Variants in TNFRSF19 observed in about 807,000 individuals in gnomAD.
TNFRSF19 encodes the protein TNF receptor superfamily member 19, also known as tumor necrosis factor receptor superfamily member 19.
A neutral mutation model predicts 46.4 loss-of-function variants in TNFRSF19; 27 were observed. The observed-to-expected ratio is 0.58, with a 90% confidence interval of 0.43 to 0.80. TNFRSF19 has a LOEUF of 0.80. TNFRSF19 is among the 30% of genes least tolerant of loss of function. TNFRSF19 has a pLI of 0.00. For missense variants in TNFRSF19, 511 were observed against 530.8 expected (o/e 0.96, Z 0.37); for synonymous variants, 204 against 205.0 (o/e 1.00, Z 0.04).
Position 23,580,132 on chromosome 13 carries a change from A to C in TNFRSF19, c.-35+9284A>C, listed in dbSNP as rs1878304527. Among the ~76,000 whole-genome samples the C allele has an allele frequency of 1.3e-5, 2 of 152,246 alleles. 1 individual carries two copies. The highest frequency in any genetic ancestry group is 4.1e-4 in the South Asian group (2 of 4,836). The stretch of plus-strand genomic sequence containing the variant: ...CAGCTCTTACAATGCGTGTAATGCC[A>C]TCTCATGGGACAGAAATTTGGCTAA... On this transcript the variant is annotated intron_variant, in intron 1 of 9. Coordinates refer to ENST00000248484, the MANE Select transcript of TNFRSF19 (RefSeq NM_148957.4).
intron 7 of TNFRSF19, among the ~76,000 whole-genome samples, chr13:23,664,863 CA>C (rs1325788316): frequency 6.6e-6 from 1 of 152,098 alleles, no homozygotes; most frequent in Non-Finnish European, 1.5e-5. Flanking sequence ...ACAGTTGCAA[CA>C]AATAAGTACT....
chr13:23,587,770 T>C (rs1350868908), intron 1 of TNFRSF19, among the ~76,000 whole-genome samples: 1 of 152,186 alleles, frequency 6.6e-6, no homozygotes, highest in Non-Finnish European at 1.5e-5. Context: ...TCTCTTCCAT[T>C]ATATGGGGAT....
At chr13:23,635,113 C>G (rs1882597233) in intron 5 of TNFRSF19, among the ~76,000 whole-genome samples, 1 of 152,120 alleles carries the variant, frequency 6.6e-6, no homozygotes, top group African/African-American at 2.4e-5. Context: ...CTACCCCAGG[C>G]CTTCCTGGCA....
intron 3 of TNFRSF19, among the ~76,000 whole-genome samples, chr13:23,595,207 A>G (rs566283646): frequency 2.2e-4 from 34 of 152,362 alleles, no homozygotes; most frequent in African/African-American, 8.2e-4. Context: ...CTTCTCCTCC[A>G]AAGGATCACA....
At chr13:23,577,926 G>A (rs1459381670) in intron 1 of TNFRSF19, among the ~76,000 whole-genome samples, 1 of 152,182 alleles carries the variant, frequency 6.6e-6, no homozygotes, top group Non-Finnish European at 1.5e-5. Flanking sequence ...CCGAGGCAGT[G>A]CTGTGGTGAG....
At chr13:23,656,188 G>C (rs1237016810) in intron 5 of TNFRSF19, among the ~76,000 whole-genome samples, 1 of 152,162 alleles carries the variant, frequency 6.6e-6, no homozygotes, top group Non-Finnish European at 1.5e-5. Flanking sequence ...GAAATGTGTG[G>C]AGAAGGGGCA....
At chr13:23,586,272 A>AAAAAG (rs1566164559) in intron 1 of TNFRSF19, among the ~76,000 whole-genome samples, 2 of 151,706 alleles carry the variant, frequency 1.3e-5, no homozygotes, top group Admixed American at 6.6e-5. Context: ...AAAAAAAAAA[A>AAAAAG]AAAAGAAAAG....
At chr13:23,572,198 A>T (rs1377477778) in intron 1 of TNFRSF19, among the ~76,000 whole-genome samples, 1 of 152,190 alleles carries the variant, frequency 6.6e-6, no homozygotes, top group African/African-American at 2.4e-5. Context: ...TTATATTTTT[A>T]AAGTGTGTCA....
At chr13:23,573,800 C>G (rs542881939) in intron 1 of TNFRSF19, among the ~76,000 whole-genome samples, 1 of 152,144 alleles carries the variant, frequency 6.6e-6, no homozygotes, top group Admixed American at 6.5e-5. Flanking sequence ...CGGTGGCTCA[C>G]GCCTGTAATC....
At chr13:23,648,472 C>G (rs187879164) in intron 5 of TNFRSF19, among the ~76,000 whole-genome samples, 108 of 152,206 alleles carry the variant, frequency 7.1e-4, no homozygotes, top group African/African-American at 2.6e-3. Context: ...TTTATTAGTT[C>G]TAACAGTTTT....
intron 3 of TNFRSF19, among the ~76,000 whole-genome samples, chr13:23,608,167 G>A (rs185085785): frequency 9.1e-4 from 139 of 152,204 alleles, no homozygotes; most frequent in African/African-American, 3.3e-3. Flanking sequence ...CAGGTCCACC[G>A]ATACTGTTGC....
chr13:23,582,224 C>CAAAAA (rs746493689), intron 1 of TNFRSF19, among the ~76,000 whole-genome samples: 1 of 98,044 alleles, frequency 1.0e-5, no homozygotes, highest in Non-Finnish European at 2.1e-5. Context: ...ACTACAAATA[C>CAAAAA]AAAAAAAAAA....
chr13:23,597,149 A>G (rs533059748), intron 3 of TNFRSF19, among the ~76,000 whole-genome samples: 4 of 152,354 alleles, frequency 2.6e-5, no homozygotes, highest in African/African-American at 9.6e-5. Context: ...AGTGGAAAAG[A>G]TCTAAAATTG....
intron 5 of TNFRSF19, among the ~76,000 whole-genome samples, chr13:23,645,587 T>C (rs764080172): frequency 1.3e-5 from 2 of 152,210 alleles, no homozygotes; most frequent in Non-Finnish European, 2.9e-5. Flanking sequence ...TATGTTTTTT[T>C]ATACCTGCTT....
intron 1 of TNFRSF19, among the ~76,000 whole-genome samples, chr13:23,587,614 G>A (rs1049365625): frequency 1.1e-4 from 17 of 152,212 alleles, no homozygotes; most frequent in African/African-American, 3.9e-4. Flanking sequence ...CTGAATGGCA[G>A]GAGTCACTGG....
chr13:23,610,813 C>CT (rs914617180), intron 3 of TNFRSF19, among the ~76,000 whole-genome samples: 28 of 151,840 alleles, frequency 1.8e-4, no homozygotes, highest in East Asian at 5.8e-4. Context: ...ATAATAATGC[C>CT]TTTTTTTGCA....
intron 2 of TNFRSF19, among the ~76,000 whole-genome samples, chr13:23,592,476 A>C (rs1218213016): frequency 1.3e-5 from 2 of 152,180 alleles, no homozygotes; most frequent in Non-Finnish European, 2.9e-5. Flanking sequence ...TAAGAGAAAA[A>C]AGCTATATTT....
intron 2 of TNFRSF19, among the ~76,000 whole-genome samples, chr13:23,591,728 C>CT (rs1238199379): frequency 0.19 from 19,909 of 103,484 alleles, 1,944 homozygotes; most frequent in African/African-American, 0.31. Context: ...TTCTTTCTTT[C>CT]TTTTTTTTTT....
At chr13:23,618,689 G>C (rs1265341751) in intron 4 of TNFRSF19, among the ~76,000 whole-genome samples, 2 of 152,158 alleles carry the variant, frequency 1.3e-5, no homozygotes, top group Non-Finnish European at 2.9e-5. Flanking sequence ...CTGAAAACAC[G>C]TCCACACAAA....
Sources: gnomAD v4.1 joint callset for allele counts (sites outside exome capture counted in the v4.1 genomes callset) on GRCh38, gnomAD v4.1.1 for gene constraint, MANE v1.5 for transcripts, NCBI Gene and HGNC (gene_info 2026-07-23, HGNC 2026-07-21) for gene names.